The following COL19A1 variants were observed in gnomAD, a reference collection of about 807,000 sequenced individuals.
COL19A1 encodes collagen type XIX alpha 1 chain.
COL19A1 carries 159 observed loss-of-function variants against 190.2 expected under a neutral mutation model. That is an observed-to-expected ratio of 0.84 (90% confidence interval 0.73 to 0.95). The LOEUF (loss-of-function observed/expected upper bound fraction) is 0.95. COL19A1 is among the 40% of genes least tolerant of loss of function. The probability of loss-of-function intolerance (pLI) is 0.00; values close to 1 mark genes in which losing one functional copy is unlikely to be tolerated. For synonymous variants in COL19A1, 509 were observed against 458.9 expected (o/e 1.11, Z -1.39); for missense variants, 1,418 against 1,431.9 (o/e 0.99, Z 0.16).
chr6:70,207,367 T>G lies in COL19A1; in HGVS notation c.*93T>G. 2 of 775,354 alleles carry G rather than the reference T, an allele frequency of 2.6e-6. No individual in the cohort carries two copies. Among genetic ancestry groups the G allele is most frequent in the Non-Finnish European group, 1.7e-6 (1 of 602,406 alleles). The allele number at this position is 775,354 out of a possible 1,614,324, so 48.0% of individuals were successfully genotyped here. ...AACCCTCATCATCTGTGGGTTGCTT[T>G]TTTTTTTTTTTTTTTTTTTTGGGAG... On this transcript the variant is annotated 3_prime_UTR_variant, in exon 51 of 51. Transcript: ENST00000620364.
chr6:70,078,844 G>A (rs1782057482), intron 15 of COL19A1, among the ~76,000 whole-genome samples: 1 of 152,058 alleles, frequency 6.6e-6, no homozygotes, highest in Admixed American at 6.6e-5. Context: ...AGGCGGGCAG[G>A]TAACTTGAGG....
Position 69,909,765 on chromosome 6 carries a change from T to A in COL19A1, c.266+9427T>A, listed in dbSNP as rs181907658. Among the ~76,000 whole-genome samples, 63 of 152,250 alleles carry A rather than the reference T, an allele frequency of 4.1e-4. No homozygotes were observed. The East Asian group carries it at 0.011, about 26-fold the overall frequency. ...AAAATTTTGAAGAACTGATATACGATTTTCCCCACCACATCCAGATGGCTT... is the reference window on the plus strand; with the variant it reads ...AAAATTTTGAAGAACTGATATACGAATTTCCCCACCACATCCAGATGGCTT... On this transcript the variant is annotated intron_variant, in intron 4 of 50. Transcript: ENST00000620364.
At chr6:70,185,917 T>A (rs1766483814) in intron 46 of COL19A1, among the ~76,000 whole-genome samples, 1 of 152,178 alleles carries the variant, frequency 6.6e-6, no homozygotes, top group South Asian at 2.1e-4. Flanking sequence ...AAATCTACCT[T>A]ACCCCACTAC....
intron 14 of COL19A1, among the ~76,000 whole-genome samples, chr6:70,055,063 A>G (rs1449527856): frequency 6.6e-6 from 1 of 152,176 alleles, no homozygotes; most frequent in Non-Finnish European, 1.5e-5. Flanking sequence ...AATTCCTCCA[A>G]ATCAATTTTT....
At chr6:70,136,791 AT>A (rs1562208551) in intron 18 of COL19A1, among the ~76,000 whole-genome samples, 1 of 152,082 alleles carries the variant, frequency 6.6e-6, no homozygotes, top group Non-Finnish European at 1.5e-5. Flanking sequence ...TTCTGTATTT[AT>A]TCTTTTGAAG....
chr6:69,895,193 G>A (rs1769635726), intron 2 of COL19A1, among the ~76,000 whole-genome samples: 1 of 152,128 alleles, frequency 6.6e-6, no homozygotes, highest in Non-Finnish European at 1.5e-5. Context: ...TCGGCATGGA[G>A]CTGCTGCTCA....
At chr6:70,066,112 G>T (rs552945208) in intron 14 of COL19A1, among the ~76,000 whole-genome samples, 54 of 152,258 alleles carry the variant, frequency 3.5e-4, no homozygotes, top group African/African-American at 1.3e-3. Context: ...TATACCCAAA[G>T]GAATATAATT....
At chr6:69,932,440 A>G (rs1772839292) in intron 6 of COL19A1, among the ~76,000 whole-genome samples, 1 of 151,832 alleles carries the variant, frequency 6.6e-6, no homozygotes, top group Admixed American at 6.6e-5. Context: ...TTTTATTTTG[A>G]AATGGCCTCA....
At chr6:70,107,031 C>A (rs1784020900) in intron 16 of COL19A1, among the ~76,000 whole-genome samples, 1 of 152,124 alleles carries the variant, frequency 6.6e-6, no homozygotes, top group Admixed American at 6.6e-5. Flanking sequence ...GGAATCCTTA[C>A]AACTATCTTG....
At chr6:69,993,562 A>AT (rs147895496) in intron 11 of COL19A1, among the ~76,000 whole-genome samples, 4,506 of 152,084 alleles carry the variant, frequency 0.03, 228 homozygotes, top group African/African-American at 0.1. Context: ...GTCTAGTAGA[A>AT]TTGGCTGTGG....
At chr6:69,982,337 G>A (rs923753330) in intron 11 of COL19A1, among the ~76,000 whole-genome samples, 2 of 151,706 alleles carry the variant, frequency 1.3e-5, no homozygotes, top group Non-Finnish European at 2.9e-5. Flanking sequence ...CGCCTCCCAG[G>A]TCAAGCGATT....
intron 2 of COL19A1, among the ~76,000 whole-genome samples, chr6:69,895,629 C>T (rs1048096957): frequency 1.3e-5 from 2 of 152,320 alleles, no homozygotes; most frequent in African/African-American, 4.8e-5. Context: ...CAGGGTCCTC[C>T]CCACTGCAAA....
chr6:70,153,788 G>C (rs1787245452), intron 31 of COL19A1, among the ~76,000 whole-genome samples: 1 of 150,660 alleles, frequency 6.6e-6, no homozygotes, highest in African/African-American at 2.5e-5. Flanking sequence ...AGTTTTTCAG[G>C]TGTCAGTAAT....
intron 11 of COL19A1, chr6:69,973,892 A>G (rs1306132666): frequency 2.6e-5 from 4 of 152,328 alleles, no homozygotes; most frequent in African/African-American, 4.8e-5. Flanking sequence ...AATTCACTGT[A>G]TAGGAATTGC....
rs554251219 is a variant in COL19A1, at chr6:70,111,838, A to G, written c.1278+9616A>G. Among the ~76,000 whole-genome samples the G allele has an allele frequency of 3.9e-5, 6 of 152,296 alleles. No individual in the cohort carries two copies. In the South Asian group the frequency reaches 1.2e-3, roughly 32 times the overall value. ...CTTAACATCACACATTTGAGTTGAA[A>G]GTGAGGACCACAATCACCCAATTAT... On this transcript the variant is annotated intron_variant, in intron 16 of 50. Transcript: ENST00000620364.
intron 16 of COL19A1, among the ~76,000 whole-genome samples, chr6:70,109,369 C>T (rs1341073588): frequency 6.6e-6 from 1 of 151,958 alleles, no homozygotes; most frequent in Non-Finnish European, 1.5e-5. Flanking sequence ...TGGGGAAAAG[C>T]TTGATGTATT....
Position 70,156,674 on chromosome 6 carries a change from G to A in COL19A1, c.2243G>A (p.Ser748Asn), listed in dbSNP as rs1480690084. Residue 748 changes from serine (S) to asparagine (N), a missense_variant, in exon 34 of 51, where the codon AGC (serine) becomes AAC (asparagine). Physicochemically the swap from Ser to Asn is conservative, Grantham distance 46. Coordinates refer to ENST00000620364, the MANE Select transcript of COL19A1 (RefSeq NM_001858.6). ...CTGAATGTATTGTCTTTTTAGGGAA[G>A]CAAAGGAGAGCGGGGCTACCCTGGG... ...GIPGREGPKG[S>N]KGERGYPGIP... The A allele has an allele frequency of 6.2e-7, 1 of 1,611,792 alleles. No homozygotes were observed. Among genetic ancestry groups the A allele is most frequent in the Admixed American group, 1.7e-5 (1 of 59,836 alleles).
At chr6:69,909,340 T>G (rs1307011495) in intron 4 of COL19A1, among the ~76,000 whole-genome samples, 1 of 152,104 alleles carries the variant, frequency 6.6e-6, no homozygotes, top group Non-Finnish European at 1.5e-5. Context: ...GTGTGTGATA[T>G]CTCTCCTCTT....
intron 13 of COL19A1, among the ~76,000 whole-genome samples, chr6:70,034,855 A>G (rs1486018272): frequency 1.3e-5 from 2 of 152,196 alleles, no homozygotes; most frequent in Non-Finnish European, 2.9e-5. Context: ...GTGTTTTGCA[A>G]TGCATTTTGT....
Sources: gnomAD v4.1 joint callset for allele counts (sites outside exome capture counted in the v4.1 genomes callset) on GRCh38, gnomAD v4.1.1 for gene constraint, MANE v1.5 for transcripts, NCBI Gene and HGNC (gene_info 2026-07-23, HGNC 2026-07-21) for gene names.